The following RALYL variants were observed in gnomAD, a reference collection of about 807,000 sequenced individuals.
RALYL encodes the protein RNA-binding Raly-like protein.
A neutral mutation model predicts 35.1 loss-of-function variants in RALYL; 29 were observed. That is an observed-to-expected ratio of 0.83 (90% confidence interval 0.61 to 1.13). The LOEUF is 1.13. RALYL is among the 50% of genes most tolerant of loss of function. The probability of loss-of-function intolerance (pLI) is 0.00; values close to 1 mark genes in which losing one functional copy is unlikely to be tolerated. For missense variants in RALYL, 359 were observed against 360.4 expected (o/e 1.00, Z 0.03); for synonymous variants, 120 against 127.6 (o/e 0.94, Z 0.40).
intron 1 of RALYL, among the ~76,000 whole-genome samples, chr8:84,278,657 C>A (rs550695319): frequency 8.5e-5 from 13 of 152,308 alleles, no homozygotes; most frequent in Admixed American, 7.2e-4. Context: ...GTTCCACAAA[C>A]CTCTAGGGCA....
chr8:84,875,542 T>A (rs1433026998), intron 7 of RALYL, among the ~76,000 whole-genome samples: 16 of 151,726 alleles, frequency 1.1e-4, no homozygotes, highest in East Asian at 9.7e-4. Flanking sequence ...TTTAAAATAA[T>A]AAGACTTAGT....
chr8:84,620,751 GT>G (rs1214473033), intron 2 of RALYL, among the ~76,000 whole-genome samples: 3 of 151,354 alleles, frequency 2.0e-5, no homozygotes. Context: ...TTTGATGATG[GT>G]GATGTACAGA....
intron 1 of RALYL, among the ~76,000 whole-genome samples, chr8:84,333,591 C>A (rs113457123): frequency 6.6e-6 from 1 of 152,030 alleles, no homozygotes; most frequent in Non-Finnish European, 1.5e-5. Flanking sequence ...TTTATCTGGC[C>A]GGGTCAACTT....
At position 84,432,176 on chromosome 8, in the gene RALYL, A is replaced by C. The variant is rs867255173; in HGVS notation, c.-23-97123A>C. ...CATAATAGCTAAAACATGAGGTATA[A>C]ATATAGAATGGAATATTATTCAGCC... On this transcript the variant is annotated intron_variant, in intron 1 of 8. Transcript: ENST00000521268. 5.3e-5 allele frequency among the ~76,000 whole-genome samples: 8 copies of C among 152,260 alleles called. No individual in the cohort carries two copies. In the Middle Eastern group the frequency reaches 0.014, roughly 259 times the overall value.
chr8:84,900,179 CAGAA>C (rs1182402495), intron 8 of RALYL, among the ~76,000 whole-genome samples: 1 of 151,942 alleles, frequency 6.6e-6, no homozygotes, highest in Non-Finnish European at 1.5e-5. Flanking sequence ...GGGAAGAGAA[CAGAA>C]AGATTCTGGA....
chr8:84,420,023 T>C (rs984293081), intron 1 of RALYL, among the ~76,000 whole-genome samples: 15 of 151,208 alleles, frequency 9.9e-5, no homozygotes, highest in African/African-American at 3.7e-4. Context: ...CATGTGTCTT[T>C]ATAGCAGCAT....
intron 2 of RALYL, among the ~76,000 whole-genome samples, chr8:84,676,469 T>TA (rs1341400070): frequency 6.6e-6 from 1 of 152,164 alleles, no homozygotes; most frequent in Non-Finnish European, 1.5e-5. Flanking sequence ...ACATTCCCAG[T>TA]GTGCTCCCAA....
intron 2 of RALYL, among the ~76,000 whole-genome samples, chr8:84,661,560 G>A (rs1237311790): frequency 6.7e-6 from 1 of 149,318 alleles, no homozygotes; most frequent in Non-Finnish European, 1.5e-5. Context: ...ATATAGGCAT[G>A]GCTTTAATTT....
chr8:84,725,382 A>C lies in RALYL; in HGVS notation c.257-49197A>C, dbSNP rs552031197. 2.1e-4 allele frequency among the ~76,000 whole-genome samples: 32 copies of C among 151,898 alleles called. No homozygotes were observed. The South Asian group carries it at 4.6e-3, about 22-fold the overall frequency. ...GGCAGTTAATTATTTTGAACAATGA[A>C]TCCAATCAGTCTAGTCAGTTTACCA... On this transcript the variant is annotated intron_variant, in intron 2 of 8. Coordinates refer to ENST00000521268, the MANE Select transcript of RALYL (RefSeq NM_173848.7).
intron 2 of RALYL, among the ~76,000 whole-genome samples, chr8:84,692,227 A>G (rs532599184): frequency 6.6e-5 from 10 of 152,148 alleles, no homozygotes; most frequent in African/African-American, 1.9e-4. Context: ...ACTAGATGTC[A>G]TAGCCACTGA....
chr8:84,686,693 C>G (rs1836870840), intron 2 of RALYL, among the ~76,000 whole-genome samples: 1 of 152,164 alleles, frequency 6.6e-6, no homozygotes, highest in South Asian at 2.1e-4. Context: ...GCATGAACCA[C>G]CACACCCAAC....
upstream of RALYL, chr8:84,182,897 C>T (rs1437393011): frequency 6.6e-6 from 1 of 152,498 alleles, no homozygotes; most frequent in African/African-American, 2.4e-5. Context: ...TGAATGTGGG[C>T]TTGAATAGTA....
At chr8:84,854,386 A>G (rs752807177) in intron 5 of RALYL, among the ~76,000 whole-genome samples, 11 of 152,090 alleles carry the variant, frequency 7.2e-5, no homozygotes, top group Non-Finnish European at 1.2e-4. Flanking sequence ...AAAAAAAATA[A>G]TGGTAGATGT....
intron 1 of RALYL, among the ~76,000 whole-genome samples, chr8:84,357,286 A>G (rs912134090): frequency 6.6e-6 from 1 of 152,116 alleles, no homozygotes; most frequent in Non-Finnish European, 1.5e-5. Context: ...ACATCAGAAT[A>G]GAAATGTAAG....
intron 1 of RALYL, among the ~76,000 whole-genome samples, chr8:84,338,744 G>A (rs1297965351): frequency 6.6e-6 from 1 of 152,026 alleles, no homozygotes; most frequent in Middle Eastern, 3.4e-3. Context: ...CTAACACATT[G>A]TCTGACATAG....
intron 4 of RALYL, among the ~76,000 whole-genome samples, chr8:84,837,342 C>T (rs564773045): frequency 1.3e-5 from 2 of 152,126 alleles, no homozygotes; most frequent in Non-Finnish European, 2.9e-5. Flanking sequence ...AGCCAGTTAT[C>T]GCAATTGAGA....
chr8:84,883,974 T>C (rs1179267142), intron 7 of RALYL, among the ~76,000 whole-genome samples: 3 of 152,038 alleles, frequency 2.0e-5, no homozygotes, highest in Non-Finnish European at 4.4e-5. Context: ...ATTTTCATGC[T>C]TACCTTTTAG....
chr8:84,685,148 G>A (rs186236444), intron 2 of RALYL, among the ~76,000 whole-genome samples: 108 of 152,194 alleles, frequency 7.1e-4, no homozygotes, highest in African/African-American at 2.6e-3. Flanking sequence ...TTGGAGGCTG[G>A]GGTTTTGACA....
chr8:84,299,138 T>G (rs1487535896), intron 1 of RALYL, among the ~76,000 whole-genome samples: 1 of 151,904 alleles, frequency 6.6e-6, no homozygotes, highest in Non-Finnish European at 1.5e-5. Flanking sequence ...TTGTGATTCT[T>G]AAGAGAAGTG....
Sources: gnomAD v4.1 joint callset for allele counts (sites outside exome capture counted in the v4.1 genomes callset) on GRCh38, gnomAD v4.1.1 for gene constraint, MANE v1.5 for transcripts, NCBI Gene and HGNC (gene_info 2026-07-23, HGNC 2026-07-21) for gene names.